Variants in TYK2 observed in about 807,000 individuals in gnomAD.
TYK2 encodes the protein tyrosine kinase 2, also known as non-receptor tyrosine-protein kinase TYK2.
TYK2 carries 65 observed loss-of-function variants against 130.9 expected under a neutral mutation model. The observed-to-expected ratio is 0.50, with a 90% confidence interval of 0.41 to 0.61. The LOEUF is 0.61. Among genes scored for constraint, TYK2 ranks in the 20% least tolerant of loss-of-function variants. The pLI is 0.00. For synonymous variants in TYK2, 647 were observed against 658.9 expected (o/e 0.98, Z 0.28); for missense variants, 1,378 against 1,610.7 (o/e 0.86, Z 2.47).
At chr19:10,356,196 T>C (rs2041090291) in intron 18 of TYK2, among the ~76,000 whole-genome samples, 1 of 152,018 alleles carries the variant, frequency 6.6e-6, no homozygotes, top group Non-Finnish European at 1.5e-5. Context: ...CTGGCCAACA[T>C]GGCAAAACCC....
In TYK2 at chr19:10,357,350, T is replaced by C. The variant is rs1890209463; in HGVS notation, c.2466+414A>G. ...GTTGCAGTGAGCTGAGATCACGCCA[T>C]TGCATTCCAGCCTGGGCAATTAGAG... On this transcript the variant is annotated intron_variant, in intron 17 of 24. Transcript: ENST00000525621. 8.1e-6 allele frequency: 5 copies of C among 620,590 alleles called. No homozygotes were observed. The East Asian group carries it at 1.4e-4, about 17-fold the overall frequency. The allele number at this position is 620,590 out of a possible 1,614,324, so 38.4% of individuals were successfully genotyped here. A position where few individuals can be genotyped will look rare whatever the true frequency, so the allele number is the denominator to read the frequency against.
In TYK2 at chr19:10,364,594, G is replaced by A. The variant is rs866950337; in HGVS notation, c.1367+20C>T. 10 of 1,613,174 alleles carry A rather than the reference G, an allele frequency of 6.2e-6. No individual in the cohort carries two copies. The East Asian group carries it at 8.9e-5, about 14-fold the overall frequency. On this transcript the variant is annotated intron_variant, in intron 9 of 24. Transcript: ENST00000525621. This position sits in a 1 kb window ranked among gnomAD's most constrained non-coding sequence, Gnocchi z 4.9. ...GGCACCCTTGGCGGTGGCCCCCAGC[G>A]CCCCCCACCCAGCACTCACAGCAGG...
At chr19:10,372,482 A>ATT (rs1264507144) in intron 3 of TYK2, among the ~76,000 whole-genome samples, 1,175 of 53,972 alleles carry the variant, frequency 0.022, 16 homozygotes, top group East Asian at 0.084. Flanking sequence ...ATATATATAT[A>ATT]TATTTTTTTT....
chr19:10,365,506 G>A lies in TYK2; in HGVS notation c.1011+11C>T, dbSNP rs370938717. The A allele has an allele frequency of 5.5e-5, 88 of 1,613,620 alleles. No homozygotes were observed. The highest frequency in any genetic ancestry group is 1.3e-4 in the Admixed American group (8 of 60,006). On this transcript the variant is annotated intron_variant, in intron 7 of 24. Coordinates refer to ENST00000525621, the MANE Select transcript of TYK2 (RefSeq NM_003331.5). ...CCTGAACCCCCAGGGCGGAAGGGGCGCCTTGCTCACCTCCTCCTTGTTCAC... is the reference window on the plus strand; with the variant it reads ...CCTGAACCCCCAGGGCGGAAGGGGCACCTTGCTCACCTCCTCCTTGTTCAC...
chr19:10,377,278 A>G (rs891293113), intron 3 of TYK2, among the ~76,000 whole-genome samples: 1 of 151,652 alleles, frequency 6.6e-6, no homozygotes, highest in African/African-American at 2.4e-5. Flanking sequence ...AGTGATTTGC[A>G]GCTGCCACAC....
chr19:10,370,418 G>A (rs149207876), intron 3 of TYK2, among the ~76,000 whole-genome samples: 8 of 151,544 alleles, frequency 5.3e-5, no homozygotes, highest in African/African-American at 1.7e-4. Context: ...GGAGGTTGAC[G>A]CAGGACAATC....
chr19:10,360,312 T>TAGTG (rs1317130268), intron 14 of TYK2, among the ~76,000 whole-genome samples: 1 of 151,588 alleles, frequency 6.6e-6, no homozygotes, highest in Non-Finnish European at 1.5e-5. Flanking sequence ...CTAAGCAACA[T>TAGTG]AGTGAGACCC....
At position 10,365,775 on chromosome 19, in the gene TYK2, GGA is replaced by G; in HGVS notation, c.751_752del (p.Ser251ProfsTer55). ...FLRDFQPGRLSQQMVMVKYLA... is the reference protein window; with the variant it reads ...FLRDFQPGRLXQQMVMVKYLA... ...GGTATTTGACCATGACCATCTGCTG[GGA>G]GAGTCGGCCCGGCTGGAAGTCCCGC... is the stretch of plus-strand genomic sequence containing the variant. On this transcript the variant is annotated frameshift_variant, in exon 7 of 25. Transcript: ENST00000525621. LOFTEE classifies it high-confidence loss of function. 1 of 1,612,684 alleles carries G rather than the reference GGA, an allele frequency of 6.2e-7. No individual in the cohort carries two copies. Among genetic ancestry groups the G allele is most frequent in the Non-Finnish European group, 8.5e-7 (1 of 1,179,862 alleles).
intron 22 of TYK2, 121 bp downstream of exon 22, chr19:10,352,805 G>T: frequency 7.5e-7 from 1 of 1,332,840 alleles, no homozygotes; most frequent in South Asian, 1.4e-5. Context: ...CCCCCGCACC[G>T]CTAGGCCCCG....
At position 10,362,068 on chromosome 19, in the gene TYK2, C is replaced by A; in HGVS notation, c.1773+10G>T. ...CCTGCCCTTGCCCCGGGCCCCTTCCCTGCACCCACCTGGGTGATCTCCTTC... is the reference window on the plus strand; with the variant it reads ...CCTGCCCTTGCCCCGGGCCCCTTCCATGCACCCACCTGGGTGATCTCCTTC... On this transcript the variant is annotated intron_variant, in intron 12 of 24. Coordinates refer to ENST00000525621, the MANE Select transcript of TYK2 (RefSeq NM_003331.5). 1.2e-6 allele frequency: 2 copies of A among 1,614,016 alleles called. No homozygotes were observed. Among genetic ancestry groups the A allele is most frequent in the Non-Finnish European group, 1.7e-6 (2 of 1,179,944 alleles).
At chr19:10,376,672 G>A (rs955435851) in intron 3 of TYK2, among the ~76,000 whole-genome samples, 3 of 144,780 alleles carry the variant, frequency 2.1e-5, no homozygotes, top group Admixed American at 7.0e-5. Context: ...CTGTGATCTC[G>A]GCTCACTGCA....
At chr19:10,374,004 C>A (rs1161371220) in intron 3 of TYK2, among the ~76,000 whole-genome samples, 3 of 152,158 alleles carry the variant, frequency 2.0e-5, no homozygotes, top group Non-Finnish European at 2.9e-5. Flanking sequence ...CAGTGGCTCA[C>A]ACCTGTAATC....
intron 12 of TYK2, 61 bp downstream of exon 12, chr19:10,362,017 C>T: frequency 6.2e-7 from 1 of 1,612,380 alleles, no homozygotes; most frequent in South Asian, 1.1e-5. Context: ...TCTCCCAGGG[C>T]CCCCAGCACC....
At chr19:10,360,309 A>G (rs12720283) in intron 14 of TYK2, among the ~76,000 whole-genome samples, 13,507 of 152,172 alleles carry the variant, frequency 0.089, 653 homozygotes, top group Middle Eastern at 0.15. Context: ...AGCCTAAGCA[A>G]CATAGTGAGA....
At chr19:10,357,613 G>A in intron 17 of TYK2, 151 bp downstream of exon 17, 1 of 1,044,840 alleles carries the variant, frequency 9.6e-7, no homozygotes, top group Non-Finnish European at 1.4e-6. Flanking sequence ...GGACTACATT[G>A]AGCCCCAGCG....
intron 14 of TYK2, chr19:10,360,838 G>C (rs1363186663): frequency 9.6e-6 from 2 of 208,374 alleles, no homozygotes; most frequent in Non-Finnish European, 2.0e-5. Flanking sequence ...CTGCAGCCTT[G>C]AACTCCTGGG....
intron 24 of TYK2, 28 bp from the exon 25 acceptor site, chr19:10,350,996 G>C (rs2040772348): frequency 6.2e-7 from 1 of 1,614,030 alleles, no homozygotes; most frequent in African/African-American, 1.3e-5. Flanking sequence ...GGCTGGTGGG[G>C]GCTGCCCTCT....
intron 3 of TYK2, among the ~76,000 whole-genome samples, chr19:10,369,342 T>A (rs529332516): frequency 6.6e-6 from 1 of 151,628 alleles, no homozygotes; most frequent in African/African-American, 2.4e-5. Context: ...GTTGGCAAAC[T>A]CCAACCTTCC....
chr19:10,353,970 C>T lies in TYK2; in HGVS notation c.2908+72G>A. The T allele has an allele frequency of 1.3e-6, 2 of 1,508,142 alleles. No homozygotes were observed. Among genetic ancestry groups the T allele is most frequent in the Non-Finnish European group, 1.8e-6 (2 of 1,090,476 alleles). 93.4% of individuals were successfully genotyped at this position (1,508,142 alleles called of 1,614,324 possible). A position where few individuals can be genotyped will look rare whatever the true frequency, so the allele number is the denominator to read the frequency against. ...TCTAATTGGCTAGGCCAGACTGGCC[C>T]CGCCCACAAGGCCACACCCACGCTC... On this transcript the variant is annotated intron_variant, in intron 20 of 24. Transcript: ENST00000525621. The surrounding 1 kb of genome is among the most constrained non-coding windows in gnomAD (Gnocchi z 6.9).
Sources: allele counts gnomAD v4.1 joint callset (sites outside exome capture counted in the v4.1 genomes callset), GRCh38; gene constraint gnomAD v4.1.1; non-coding constraint Gnocchi (gnomAD v3.1); transcripts MANE v1.5; gene names NCBI Gene and HGNC (gene_info 2026-07-23, HGNC 2026-07-21).